LCT: variants seen among roughly 807,000 people sequenced by gnomAD.
The protein encoded by LCT is lactase, also known as lactase/phlorizin hydrolase.
Under a neutral mutation model 173.0 loss-of-function variants are expected in LCT, and 90 were observed. The ratio of observed to expected loss-of-function variants is 0.52; its 90% CI spans 0.44 to 0.62. The LOEUF (loss-of-function observed/expected upper bound fraction) is 0.62, where lower values mean the gene tolerates loss of function less well. Among genes scored for constraint, LCT ranks in the 20% least tolerant of loss-of-function variants. LCT has a pLI of 0.00. For synonymous variants in LCT, 853 were observed against 957.6 expected, an observed-to-expected ratio of 0.89 and a Z score of 2.02; for missense variants, 1,864 against 2,431.4, an observed-to-expected ratio of 0.77 and a Z score of 4.91.
At position 135,825,560 on chromosome 2, in the gene LCT, G is replaced by T. The variant is rs552965138; in HGVS notation, c.805-1557C>A. On this transcript the variant is annotated intron_variant, in intron 3 of 16. Transcript: ENST00000264162. ...CCCAGCCTGTCTTCTGCCAAGCGGA[G>T]AACTCCCTGGGAGCACAGCTTTTTC... Among the ~76,000 whole-genome samples the T allele has an allele frequency of 4.0e-4, 61 of 152,336 alleles. No homozygotes were observed. The South Asian group carries it at 0.012, about 31-fold the overall frequency.
intron 10 of LCT, 76 bp from the exon 11 acceptor site, chr2:135,804,204 A>G: frequency 8.9e-7 from 1 of 1,129,536 alleles, no homozygotes; most frequent in South Asian, 1.2e-5. Flanking sequence ...TGCCAGCATC[A>G]ACGTCTGCTG....
chr2:135,819,646 T>A (rs191432734), intron 5 of LCT, among the ~76,000 whole-genome samples: 31 of 152,306 alleles, frequency 2.0e-4, no homozygotes, highest in African/African-American at 7.5e-4. Context: ...TCACTCAGCA[T>A]CAACTCCCTG....
In LCT at chr2:135,804,867, C is replaced by A; in HGVS notation, c.4364G>T (p.Arg1455Leu). The A allele has an allele frequency of 1.2e-6, 2 of 1,613,998 alleles. No individual in the cohort carries two copies. The highest frequency in any genetic ancestry group is 1.7e-6 in the Non-Finnish European group (2 of 1,179,968). ...SHYRFSISWSRILPDGTTRYI... is the reference protein window; with the variant it reads ...SHYRFSISWSLILPDGTTRYI... ...CCTGGTGGTTCCATCAGGGAGGATGCGAGACCAGGAGATGGAAAAACGGTA... is the reference window on the plus strand; with the variant it reads ...CCTGGTGGTTCCATCAGGGAGGATGAGAGACCAGGAGATGGAAAAACGGTA... The change falls in exon 10 of 17, where the codon CGC becomes CTC. Residue 1455 changes from arginine to leucine, a missense_variant. Transcript: ENST00000264162.
At chr2:135,798,201 G>T in intron 12 of LCT, 63 bp from the exon 13 acceptor site, 1 of 881,578 alleles carries the variant, frequency 1.1e-6, no homozygotes, top group Non-Finnish European at 2.0e-6. Context: ...AGACAGCATC[G>T]TCCCCGCTCA....
chr2:135,798,011 C>T lies in LCT; in HGVS notation c.4976+18G>A, dbSNP rs369435798. ...CCCGACGCCCATGCCCTCACCACTG[C>T]GGGCACCAGGCCCTTACCGAGACTT... On this transcript the variant is annotated intron_variant, in intron 13 of 16. Coordinates refer to ENST00000264162, the MANE Select transcript of LCT (RefSeq NM_002299.4). The T allele has an allele frequency of 1.3e-5, 19 of 1,434,346 alleles. No individual in the cohort carries two copies. The highest frequency in any genetic ancestry group is 6.8e-5 in the South Asian group (6 of 87,974). 88.9% of individuals were successfully genotyped at this position (1,434,346 alleles called of 1,614,324 possible). A position where few individuals can be genotyped will look rare whatever the true frequency, so the allele number is the denominator to read the frequency against.
At chr2:135,825,967 T>G (rs1262434346) in intron 3 of LCT, among the ~76,000 whole-genome samples, 1 of 152,186 alleles carries the variant, frequency 6.6e-6, no homozygotes, top group Non-Finnish European at 1.5e-5. Context: ...GGCTCAGCTG[T>G]TCTCCCTGTC....
chr2:135,805,004 A>ACC lies in LCT; in HGVS notation c.4226_4227insGG (p.Phe1409LeufsTer7). ...TCTCAACCCTCAGTGGTGTGTGAGAAAACGTGTCCCAAATGCTGAGTCCTT... is the reference window on the plus strand; with the variant it reads ...TCTCAACCCTCAGTGGTGTGTGAGAACCAACGTGTCCCAAATGCTGAGTCCTT... On this transcript the variant is annotated frameshift_variant, in exon 10 of 17. Transcript: ENST00000264162. LOFTEE classifies it high-confidence loss of function. 1 of 1,614,178 alleles carries ACC rather than the reference A, an allele frequency of 6.2e-7. No individual in the cohort carries two copies. The highest frequency in any genetic ancestry group is 8.5e-7 in the Non-Finnish European group (1 of 1,180,026).
chr2:135,837,114 C>T lies in LCT; in HGVS notation c.56G>A (p.Gly19Glu), dbSNP rs1479009160. ...FIALLSFSCW[G>E]SDWESDRNFI... ...ATTTCTATCAGACTCCCAGTCTGAC[C>T]CCCAGCATGAAAAACTTAGCAGGGC... The change falls in exon 1 of 17, where the codon GGG becomes GAG. Residue 19 changes from glycine (G) to glutamate (E), a missense_variant. Physicochemically the swap from Gly to Glu is moderately conservative, Grantham distance 98. Coordinates refer to ENST00000264162, the MANE Select transcript of LCT (RefSeq NM_002299.4). 1 of 1,613,476 alleles carries T rather than the reference C, an allele frequency of 6.2e-7. No individual in the cohort carries two copies. Among genetic ancestry groups the T allele is most frequent in the Non-Finnish European group, 8.5e-7 (1 of 1,179,664 alleles).
Position 135,834,808 on chromosome 2 carries a change from A to AAAAAAAG in LCT, c.641-1619_641-1618insCTTTTTT, listed in dbSNP as rs1222170749. Among the ~76,000 whole-genome samples, 749 of 138,092 alleles carry AAAAAAAG rather than the reference A, an allele frequency of 5.4e-3. 19 individuals are homozygous for AAAAAAAG. The highest frequency in any genetic ancestry group is 0.051 in the South Asian group (183 of 3,570). The allele number at this position is 138,092 out of a possible 152,430, so 90.6% of individuals were successfully genotyped here. On this transcript the variant is annotated intron_variant, in intron 1 of 16. Transcript: ENST00000264162. ...ATCTCAAAAAAAAAAAAAAAAAAAA[A>AAAAAAAG]AAGAAGAAGAAAAAAATGTTTAACG...
At position 135,800,772 on chromosome 2, in the gene LCT, A is replaced by C; in HGVS notation, c.4701T>G (p.Val1567=). 1.2e-6 allele frequency: 2 copies of C among 1,614,132 alleles called. No homozygotes were observed. Among genetic ancestry groups the C allele is most frequent in the Non-Finnish European group, 1.7e-6 (2 of 1,180,028 alleles). ...SNRPGTAPYI[V]GHNLIKAHAE... is the part of the protein sequence containing the mutation. The stretch of plus-strand genomic sequence containing the variant: ...CATGAGCCTTTATTAGATTGTGGCC[A>C]ACAATGTAGGGGGCAGTGCCAGGCC... Residue 1567 remains valine (V), a synonymous_variant, in exon 12 of 17, where the codon GTT becomes GTG. Transcript: ENST00000264162.
Position 135,808,698 on chromosome 2 carries a change from T to C in LCT, c.3649A>G (p.Lys1217Glu), listed in dbSNP as rs1163338146. 1.9e-6 allele frequency: 3 copies of C among 1,614,208 alleles called. No homozygotes were observed. The highest frequency in any genetic ancestry group is 2.5e-6 in the Non-Finnish European group (3 of 1,180,026). Residue 1217 changes from lysine to glutamate, a missense_variant, in exon 8 of 17, where the codon AAA (lysine) becomes GAA (glutamate). Lys to Glu is a moderately conservative substitution (Grantham distance 56). Around this residue, in one of 4 missense-constraint regions of LCT, gnomAD observed 755 missense variants for 926.3 expected, o/e 0.82. Coordinates refer to ENST00000264162, the MANE Select transcript of LCT (RefSeq NM_002299.4). The stretch of plus-strand genomic sequence containing the variant: ...GAGGGTGGGTTTAGCCTGGGTGTTT[T>C]GTGCTGCACGATTCTGGAGTAGTAC... ...NTYYSRIVQH[K>E]TPRLNPPSYE...
At chr2:135,793,924 C>T (rs1216131769) in intron 14 of LCT, among the ~76,000 whole-genome samples, 3 of 149,696 alleles carry the variant, frequency 2.0e-5, no homozygotes, top group African/African-American at 4.9e-5. Flanking sequence ...CAAAATTAGC[C>T]GAGACCATTC....
rs890303040 is a variant in LCT, at chr2:135,833,442, T to C, written c.641-252A>G. On this transcript the variant is annotated intron_variant, in intron 1 of 16. Transcript: ENST00000264162. ...AGGAGAGAACTCCTTCCTAAACTTCTTTTTTTTTTTTTTTTTTTTTTTGAG... is the reference window on the plus strand; with the variant it reads ...AGGAGAGAACTCCTTCCTAAACTTCCTTTTTTTTTTTTTTTTTTTTTTGAG... Among the ~76,000 whole-genome samples the C allele has an allele frequency of 1.3e-3, 4 of 3,176 alleles. No homozygotes were observed. The Non-Finnish European group carries it at 0.034, about 27-fold the overall frequency. The allele number at this position is 3,176 out of a possible 152,430, so 2.1% of individuals were successfully genotyped here.
intron 12 of LCT, 114 bp from the exon 13 acceptor site, chr2:135,798,252 C>T (rs976330650): frequency 2.7e-6 from 2 of 739,902 alleles, no homozygotes; most frequent in Middle Eastern, 2.6e-4. Flanking sequence ...TTCCTGGACC[C>T]CCAGGTTAAG....
intron 2 of LCT, among the ~76,000 whole-genome samples, chr2:135,830,006 C>G (rs1418202308): frequency 6.6e-6 from 1 of 152,162 alleles, no homozygotes; most frequent in Non-Finnish European, 1.5e-5. Context: ...AAATGGGAGG[C>G]AGTTAGAGGC....
At chr2:135,792,858 C>T (rs1424018284) in intron 14 of LCT, among the ~76,000 whole-genome samples, 1 of 152,144 alleles carries the variant, frequency 6.6e-6, no homozygotes, top group Non-Finnish European at 1.5e-5. Flanking sequence ...TCTATGGCCC[C>T]GCCCATAACC....
At position 135,833,101 on chromosome 2, in the gene LCT, C is replaced by A; in HGVS notation, c.720+10G>T. On this transcript the variant is annotated intron_variant, in intron 2 of 16. Coordinates refer to ENST00000264162, the MANE Select transcript of LCT (RefSeq NM_002299.4). ...CAGATGTTACAGGTATATTTTTGGG[C>A]TGCTGTCACCTGGGCAAGCGCAGAT... is the stretch of plus-strand genomic sequence containing the variant. 6.2e-7 allele frequency: 1 copy of A among 1,605,942 alleles called. No homozygotes were observed. The highest frequency in any genetic ancestry group is 1.1e-5 in the South Asian group (1 of 90,922).
chr2:135,824,921 C>G (rs926791821), intron 3 of LCT, among the ~76,000 whole-genome samples: 2 of 148,072 alleles, frequency 1.4e-5, no homozygotes, highest in Admixed American at 6.8e-5. Context: ...GAGAATCGCT[C>G]GAACTCAAGA....
Position 135,819,323 on chromosome 2 carries a change from A to G in LCT, c.987-1262T>C, listed in dbSNP as rs1253503625. On this transcript the variant is annotated intron_variant, in intron 5 of 16. Transcript: ENST00000264162. ...CCTCTTTTTTCTTTCTTTTTTTTCAATTGTGATTGCCAACTTCTAAATTGA... is the reference window on the plus strand; with the variant it reads ...CCTCTTTTTTCTTTCTTTTTTTTCAGTTGTGATTGCCAACTTCTAAATTGA... 6.0e-5 allele frequency among the ~76,000 whole-genome samples: 9 copies of G among 151,136 alleles called. No homozygotes were observed. In the South Asian group the frequency reaches 1.7e-3, roughly 28 times the overall value.
Sources: gnomAD v4.1 joint callset for allele counts (sites outside exome capture counted in the v4.1 genomes callset) on GRCh38, gnomAD v4.1.1 for gene constraint, gnomAD v4.1.1 regional missense constraint, MANE v1.5 for transcripts, NCBI Gene and HGNC (gene_info 2026-07-23, HGNC 2026-07-21) for gene names.